Variants in PDHX observed in about 807,000 individuals in gnomAD.
The protein encoded by PDHX is pyruvate dehydrogenase complex component X, also known as pyruvate dehydrogenase protein X component, mitochondrial.
In PDHX, 33 loss-of-function variants were observed where a neutral mutation model predicts 55.3. The ratio of observed to expected loss-of-function variants is 0.60; its 90% CI spans 0.45 to 0.80. PDHX has a LOEUF of 0.80. Ranked by LOEUF, PDHX falls within the 30% of genes least tolerant of loss-of-function variation. The pLI is 0.00. For missense variants in PDHX, 622 were observed against 619.9 expected, an observed-to-expected ratio of 1.00 and a Z score of -0.04; for synonymous variants, 226 against 219.4, an observed-to-expected ratio of 1.03 and a Z score of -0.27.
Position 34,916,675 on chromosome 11 carries a change from T to A in PDHX, c.20T>A (p.Leu7Gln). Residue 7 changes from leucine (L) to glutamine (Q), a missense_variant, in exon 1 of 11, where the codon CTG becomes CAG. By Grantham distance (113) the Leu-to-Gln change is moderately radical (BLOSUM62 -2). Coordinates refer to ENST00000227868, the MANE Select transcript of PDHX (RefSeq NM_003477.3). MAASWRLGCDPRLLRYL... is the reference protein window; with the variant it reads MAASWRQGCDPRLLRYL... ...GTCAAGATGGCGGCCTCCTGGAGGC[T>A]GGGCTGTGATCCGCGGCTGCTGCGT... The A allele has an allele frequency of 6.2e-7, 1 of 1,611,172 alleles. No individual in the cohort carries two copies. The highest frequency in any genetic ancestry group is 8.5e-7 in the Non-Finnish European group (1 of 1,179,966).
rs1590777146 is a variant in PDHX at position 34,994,860 on chromosome 11, A to G, written c.1248-54A>G. On this transcript the variant is annotated intron_variant, in intron 10 of 10. Coordinates refer to ENST00000227868, the MANE Select transcript of PDHX (RefSeq NM_003477.3). ...TATATAAAATATGTGCTTCACGGAA[A>G]GGGGACTTTGATTAAGGACATGCCT... The G allele has an allele frequency of 8.7e-6, 14 of 1,602,638 alleles. No homozygotes were observed. The East Asian group carries it at 3.1e-4, about 36-fold the overall frequency.
At chr11:34,926,079 A>G (rs947468595) in intron 1 of PDHX, among the ~76,000 whole-genome samples, 3 of 152,166 alleles carry the variant, frequency 2.0e-5, no homozygotes, top group African/African-American at 7.2e-5. Context: ...GTTGTGGTCC[A>G]TTGACATTTT....
intron 2 of PDHX, among the ~76,000 whole-genome samples, chr11:34,937,655 T>G (rs1854366918): frequency 6.6e-6 from 1 of 152,026 alleles, no homozygotes; most frequent in Admixed American, 6.6e-5. Context: ...TGGATGGAAT[T>G]TAATGCCATG....
At chr11:34,959,703 T>C (rs2133974838) in intron 4 of PDHX, among the ~76,000 whole-genome samples, 1 of 152,246 alleles carries the variant, frequency 6.6e-6, no homozygotes, top group Admixed American at 6.5e-5. Context: ...AAGTCCAAAA[T>C]GCTATGAAAT....
intron 8 of PDHX, among the ~76,000 whole-genome samples, chr11:34,979,060 G>A (rs953080393): frequency 1.3e-5 from 2 of 152,080 alleles, no homozygotes; most frequent in South Asian, 4.1e-4. Context: ...ATGGAGCTAG[G>A]GTGAAGTGGA....
chr11:34,936,367 C>A (rs1314897222), intron 2 of PDHX, among the ~76,000 whole-genome samples: 1 of 152,022 alleles, frequency 6.6e-6, no homozygotes. Context: ...TAATGACTAA[C>A]ATCGTAATTG....
chr11:34,922,905 T>TG (rs1271031511), intron 1 of PDHX, among the ~76,000 whole-genome samples: 1 of 43,462 alleles, frequency 2.3e-5, no homozygotes, highest in African/African-American at 4.8e-5. Flanking sequence ...TGTGTATGTA[T>TG]TCTTTTGCTA....
chr11:34,944,697 T>C (rs564717924), intron 2 of PDHX, among the ~76,000 whole-genome samples: 1 of 152,342 alleles, frequency 6.6e-6, no homozygotes, highest in African/African-American at 2.4e-5. Flanking sequence ...GATGCTTGCC[T>C]GTTAATATTG....
At position 34,957,490 on chromosome 11, in the gene PDHX, C is replaced by T. The variant is rs1311146974; in HGVS notation, c.449C>T (p.Pro150Leu). ...GAAATTCCCAAAGACGTAGGTCCTC[C>T]ACCACCAGTTTCAAAACCTTCAGAG... ...HVEIPKDVGP[P>L]PPVSKPSEPR... The change falls in exon 4 of 11, where the codon CCA becomes CTA. Residue 150 changes from proline (P) to leucine (L), a missense_variant. Transcript: ENST00000227868. 1 of 1,613,742 alleles carries T rather than the reference C, an allele frequency of 6.2e-7. No homozygotes were observed. The highest frequency in any genetic ancestry group is 1.3e-5 in the African/African-American group (1 of 74,846).
chr11:34,926,530 A>G (rs1344679591), intron 1 of PDHX, among the ~76,000 whole-genome samples: 2 of 152,294 alleles, frequency 1.3e-5, no homozygotes, highest in South Asian at 2.1e-4. Flanking sequence ...GAACTAGAGC[A>G]TGATGTTTAA....
intron 6 of PDHX, among the ~76,000 whole-genome samples, chr11:34,969,229 A>G (rs1850685011): frequency 6.6e-6 from 1 of 152,142 alleles, no homozygotes; most frequent in Admixed American, 6.5e-5. Context: ...GACTTATGAT[A>G]TTTTAAACTT....
intron 7 of PDHX, among the ~76,000 whole-genome samples, chr11:34,977,213 A>C (rs1315423228): frequency 1.3e-5 from 2 of 152,118 alleles, no homozygotes; most frequent in African/African-American, 4.8e-5. Context: ...TACTTTAGTA[A>C]TAGGATAGGT....
chr11:34,977,414 CATT>C (rs1855403155), intron 7 of PDHX, among the ~76,000 whole-genome samples: 2 of 152,142 alleles, frequency 1.3e-5, no homozygotes, highest in Admixed American at 1.3e-4. Context: ...ATCTTAAAAT[CATT>C]ATGTATACTG....
chr11:34,957,345 G>A lies in PDHX; in HGVS notation c.343-39G>A, dbSNP rs2243948. The A allele has an allele frequency of 0.67, 871,267 of 1,300,294 alleles. 298,180 individuals carry two copies. The highest frequency in any genetic ancestry group is 0.73 in the East Asian group (31,603 of 43,404). 80.5% of individuals were successfully genotyped at this position (1,300,294 alleles called of 1,614,324 possible). A position where few individuals can be genotyped will look rare whatever the true frequency, so the allele number is the denominator to read the frequency against. On this transcript the variant is annotated intron_variant, in intron 3 of 10. Transcript: ENST00000227868. ...AACAAACTACTTAATGCAGTCATGG[G>A]GTTTTACTTCTCTACAGTTACTTCT... is the stretch of plus-strand genomic sequence containing the variant.
At chr11:34,973,639 C>T (rs1365788743) in intron 7 of PDHX, among the ~76,000 whole-genome samples, 1 of 152,092 alleles carries the variant, frequency 6.6e-6, no homozygotes. Flanking sequence ...AATTGTATTA[C>T]ACCCCACTCC....
rs190544277 is a variant in PDHX, at chr11:34,978,071, A to G, written c.965-53A>G. On this transcript the variant is annotated intron_variant, in intron 7 of 10. Coordinates refer to ENST00000227868, the MANE Select transcript of PDHX (RefSeq NM_003477.3). ...TACAAGTTTGAAGTTGTAATGGTCA[A>G]TGTTAAAGTTATATTAGGAATACTA... 3.0e-4 allele frequency: 275 copies of G among 917,032 alleles called. 3 individuals are homozygous for G. The East Asian group carries it at 5.2e-3, about 17-fold the overall frequency. 56.8% of individuals were successfully genotyped at this position (917,032 alleles called of 1,614,324 possible).
At chr11:34,943,043 G>A (rs748154145) in intron 2 of PDHX, among the ~76,000 whole-genome samples, 3 of 134,446 alleles carry the variant, frequency 2.2e-5, no homozygotes, top group Admixed American at 1.6e-4. Context: ...ATAAGGATTC[G>A]TGAAGTTATC....
chr11:34,949,867 TTTA>T (rs1332014372), intron 3 of PDHX, among the ~76,000 whole-genome samples: 4 of 152,230 alleles, frequency 2.6e-5, no homozygotes, highest in Admixed American at 6.5e-5. Flanking sequence ...TTGATAGATT[TTTA>T]TTGATAGACC....
intron 5 of PDHX, among the ~76,000 whole-genome samples, chr11:34,961,142 AGTTC>A (rs1855014429): frequency 6.6e-6 from 1 of 152,186 alleles, no homozygotes; most frequent in Non-Finnish European, 1.5e-5. Flanking sequence ...AATTTTAAGC[AGTTC>A]GTCTAGCTCC....
Sources: allele counts gnomAD v4.1 joint callset (sites outside exome capture counted in the v4.1 genomes callset), GRCh38; gene constraint gnomAD v4.1.1; transcripts MANE v1.5; gene names NCBI Gene and HGNC (gene_info 2026-07-23, HGNC 2026-07-21).